Variants in CDH22 observed in about 807,000 individuals in gnomAD.
CDH22 encodes the protein cadherin 22, also known as cadherin-22.
A neutral mutation model predicts 58.4 loss-of-function variants in CDH22; 30 were observed. The observed-to-expected ratio is 0.51, with a 90% confidence interval of 0.38 to 0.70. CDH22 has a LOEUF of 0.70. CDH22 is among the 30% of genes least tolerant of loss of function. The pLI is 0.00. For synonymous variants in CDH22, 513 were observed against 558.2 expected (o/e 0.92, Z 1.14); for missense variants, 1,014 against 1,233.9 (o/e 0.82, Z 2.67).
intron 4 of CDH22, among the ~76,000 whole-genome samples, chr20:46,225,129 C>T (rs1177730373): frequency 1.3e-5 from 2 of 152,250 alleles, no homozygotes; most frequent in East Asian, 3.8e-4. Flanking sequence ...ACACGTGGCT[C>T]ACGGGAGTGT....
chr20:46,304,884 CT>C (rs2086667492), intron 1 of CDH22, among the ~76,000 whole-genome samples: 1 of 152,174 alleles, frequency 6.6e-6, no homozygotes, highest in South Asian at 2.1e-4. Context: ...TATATGAAGC[CT>C]TTTTGCAAAT....
At chr20:46,215,879 G>T (rs1428620704) in intron 5 of CDH22, among the ~76,000 whole-genome samples, 1 of 152,230 alleles carries the variant, frequency 6.6e-6, no homozygotes, top group Admixed American at 6.5e-5. Context: ...TGGGCTGGGA[G>T]ATTGGGCAGT....
intron 3 of CDH22, among the ~76,000 whole-genome samples, chr20:46,239,001 G>T (rs559061137): frequency 2.0e-5 from 3 of 152,236 alleles, no homozygotes; most frequent in Admixed American, 6.5e-5. Context: ...GAATTCAACT[G>T]CAGGGCCTTT....
At chr20:46,277,139 C>T (rs1412786182) in intron 1 of CDH22, among the ~76,000 whole-genome samples, 2 of 134,232 alleles carry the variant, frequency 1.5e-5, no homozygotes, top group African/African-American at 5.9e-5. Flanking sequence ...GACTCCACCT[C>T]TAAAGAAAAA....
chr20:46,251,108 C>A lies in CDH22; in HGVS notation c.187G>T (p.Gly63Cys). Residue 63 changes from glycine (G) to cysteine (C), a missense_variant, in exon 2 of 12, where the codon GGC becomes TGC. Coordinates refer to ENST00000537909, the MANE Select transcript of CDH22 (RefSeq NM_021248.3). The surrounding 1 kb of genome is among the most constrained non-coding windows in gnomAD (Gnocchi z 6.7). The part of the protein sequence containing the change: ...GALGAGRVKR[G>C]WVWNQFFVVE... ...ACGAAGAACTGGTTCCACACCCAGC[C>A]GCGTTTGACGCGGCCGGCTCCCAGC... 1 of 1,607,848 alleles carries A rather than the reference C, an allele frequency of 6.2e-7. No individual in the cohort carries two copies. The highest frequency in any genetic ancestry group is 8.5e-7 in the Non-Finnish European group (1 of 1,177,208).
intron 1 of CDH22, among the ~76,000 whole-genome samples, chr20:46,256,035 T>C (rs1301290543): frequency 6.6e-6 from 1 of 152,246 alleles, no homozygotes; most frequent in African/African-American, 2.4e-5. Context: ...CGTCTGCCCA[T>C]GGGCCTACAT....
In CDH22 at chr20:46,213,023, G is replaced by A; in HGVS notation, c.1004C>T (p.Thr335Ile). The change falls in exon 6 of 12, where the codon ACT (threonine) becomes ATT (isoleucine). Residue 335 changes from threonine to isoleucine, a missense_variant. Around this residue, in one of 2 missense-constraint regions of CDH22, gnomAD observed 806 missense variants for 1,038.7 expected, o/e 0.78. Coordinates refer to ENST00000537909, the MANE Select transcript of CDH22 (RefSeq NM_021248.3). ...CTGCACTACGATGATGGCCTCCTGA[G>A]TGTCGCTGTCTGTGGTGACCTTGAA... is the stretch of plus-strand genomic sequence containing the variant. ...DVFKVTTDSD[T>I]QEAIIVVQKR... 1 of 1,614,190 alleles carries A rather than the reference G, an allele frequency of 6.2e-7. No homozygotes were observed. Among genetic ancestry groups the A allele is most frequent in the Non-Finnish European group, 8.5e-7 (1 of 1,180,014 alleles).
At chr20:46,206,857 C>G (rs1329304248) in intron 7 of CDH22, among the ~76,000 whole-genome samples, 1 of 152,214 alleles carries the variant, frequency 6.6e-6, no homozygotes, top group Non-Finnish European at 1.5e-5. Context: ...GGGCACAACT[C>G]AATGCGGAGT....
intron 1 of CDH22, among the ~76,000 whole-genome samples, chr20:46,261,262 T>A (rs1378009342): frequency 6.6e-6 from 1 of 152,218 alleles, no homozygotes; most frequent in Admixed American, 6.5e-5. Flanking sequence ...GAATGACTAG[T>A]GTTGTTATTA....
intron 3 of CDH22, among the ~76,000 whole-genome samples, chr20:46,234,301 G>A (rs536682964): frequency 6.6e-6 from 1 of 152,328 alleles, no homozygotes; most frequent in Non-Finnish European, 1.5e-5. Flanking sequence ...AGCTATGGAT[G>A]CCGAGCCAAG....
At chr20:46,181,759 C>CTTTCT (rs1568649881) in intron 10 of CDH22, among the ~76,000 whole-genome samples, 1 of 116,548 alleles carries the variant, frequency 8.6e-6, no homozygotes, top group Non-Finnish European at 1.8e-5. Context: ...TTCCTTCTTT[C>CTTTCT]TTTCTTTCTT....
intron 1 of CDH22, among the ~76,000 whole-genome samples, chr20:46,268,486 A>G (rs921025123): frequency 6.6e-6 from 1 of 152,236 alleles, no homozygotes; most frequent in Non-Finnish European, 1.5e-5. Flanking sequence ...TCCTTAAACA[A>G]GATTCAATTC....
chr20:46,259,673 C>A (rs1349603968), intron 1 of CDH22, among the ~76,000 whole-genome samples: 1 of 152,098 alleles, frequency 6.6e-6, no homozygotes, highest in African/African-American at 2.4e-5. Context: ...AGGAGGGGGG[C>A]ATTGGAGCTG....
intron 2 of CDH22, among the ~76,000 whole-genome samples, chr20:46,249,292 C>T (rs1375932860): frequency 6.6e-6 from 1 of 152,210 alleles, no homozygotes. Context: ...CATCCCCAGC[C>T]CTTGCCCCAT....
intron 3 of CDH22, among the ~76,000 whole-genome samples, chr20:46,230,021 G>A (rs1254357235): frequency 2.0e-5 from 3 of 152,114 alleles, no homozygotes; most frequent in Non-Finnish European, 4.4e-5. Flanking sequence ...GCCGACATGT[G>A]GGAATGGTAA....
chr20:46,184,274 T>G (rs1480330180), intron 10 of CDH22, among the ~76,000 whole-genome samples: 1 of 152,112 alleles, frequency 6.6e-6, no homozygotes, highest in African/African-American at 2.4e-5. Context: ...AATTTTTGTA[T>G]TTTTAGTAGA....
chr20:46,293,713 T>G (rs1198761293), intron 1 of CDH22, among the ~76,000 whole-genome samples: 1 of 152,142 alleles, frequency 6.6e-6, no homozygotes, highest in Non-Finnish European at 1.5e-5. Flanking sequence ...AGGTATTTTC[T>G]GAGAAGCTAT....
chr20:46,184,954 T>C (rs1405704133), intron 10 of CDH22, among the ~76,000 whole-genome samples: 1 of 151,926 alleles, frequency 6.6e-6, no homozygotes, highest in Admixed American at 6.6e-5. Flanking sequence ...GGCGTGGTGG[T>C]GCGTGCCTGT....
chr20:46,266,078 C>A (rs531957980), intron 1 of CDH22, among the ~76,000 whole-genome samples: 115 of 152,256 alleles, frequency 7.6e-4, no homozygotes, highest in African/African-American at 2.6e-3. Context: ...GTGGCTCCAG[C>A]CAGAGGGAGG....
Sources: allele counts gnomAD v4.1 joint callset (sites outside exome capture counted in the v4.1 genomes callset), GRCh38; gene constraint gnomAD v4.1.1; regional missense constraint gnomAD v4.1.1; non-coding constraint Gnocchi (gnomAD v3.1); transcripts MANE v1.5; gene names NCBI Gene and HGNC (gene_info 2026-07-23, HGNC 2026-07-21).